KLHDC4: variants seen among roughly 807,000 people sequenced by gnomAD.
The protein encoded by KLHDC4 is kelch domain-containing protein 4.
In KLHDC4, 90 loss-of-function variants were observed where a neutral mutation model predicts 62.4. The observed-to-expected ratio is 1.44, with a 90% CI of 1.22 to 1.72. The LOEUF (loss-of-function observed/expected upper bound fraction) is 1.72, where lower values mean the gene tolerates loss of function less well. KLHDC4 is among the 40% of genes most tolerant of loss of function. The pLI is 0.00. For missense variants in KLHDC4, 1,025 were observed against 699.7 expected (o/e 1.47, Z -5.25); for synonymous variants, 386 against 284.4 (o/e 1.36, Z -3.59).
chr16:87,715,908 C>G (rs1028421807), intron 7 of KLHDC4, among the ~76,000 whole-genome samples: 1 of 152,152 alleles, frequency 6.6e-6, no homozygotes, highest in African/African-American at 2.4e-5. Flanking sequence ...GATACTGACA[C>G]AGACTTCAGG....
At position 87,712,549 on chromosome 16, in the gene KLHDC4, G is replaced by A. The variant is rs1035214724; in HGVS notation, c.836-1106C>T. ...GAGCAGAGCACACAGGCTCAGGGCC[G>A]CCCTGCGGGAAACAGTCCAGCATCC... On this transcript the variant is annotated intron_variant, in intron 8 of 11. Coordinates refer to ENST00000270583, the MANE Select transcript of KLHDC4 (RefSeq NM_017566.4). 1.2e-4 allele frequency among the ~76,000 whole-genome samples: 19 copies of A among 152,248 alleles called. No individual in the cohort carries two copies. The East Asian group carries it at 1.3e-3, about 11-fold the overall frequency.
At chr16:87,725,585 CTACAGTGAGATA>C (rs1358776159) in intron 7 of KLHDC4, among the ~76,000 whole-genome samples, 1 of 152,152 alleles carries the variant, frequency 6.6e-6, no homozygotes, top group Non-Finnish European at 1.5e-5. Context: ...TTTTAAACCC[CTACAGTGAGATA>C]CTACTTCATA....
At position 87,759,433 on chromosome 16, in the gene KLHDC4, G is replaced by GA. The variant is rs1054045307; in HGVS notation, c.191+2515dup. Among the ~76,000 whole-genome samples, 471 of 132,776 alleles carry GA rather than the reference G, an allele frequency of 3.5e-3. 1 individual carries two copies. Among genetic ancestry groups the GA allele is most frequent in the Non-Finnish European group, 4.7e-3 (289 of 61,476 alleles). The allele number at this position is 132,776 out of a possible 152,430, so 87.1% of individuals were successfully genotyped here. On this transcript the variant is annotated intron_variant, in intron 2 of 11. Transcript: ENST00000270583. ...AACTCCGTCTCAGAAAAGAAAAAAA[G>GA]AAAAAAAAAAACTTTTTAAAAATAA...
intron 5 of KLHDC4, among the ~76,000 whole-genome samples, chr16:87,737,101 G>T (rs1018114342): frequency 1.6e-5 from 1 of 60,716 alleles, no homozygotes; most frequent in African/African-American, 5.3e-5. Flanking sequence ...CTCCAGCCTG[G>T]GCGACAAAAA....
intron 4 of KLHDC4, among the ~76,000 whole-genome samples, chr16:87,749,726 G>A (rs1039486417): frequency 1.3e-5 from 2 of 152,128 alleles, no homozygotes; most frequent in Non-Finnish European, 2.9e-5. Flanking sequence ...TTGGACGACA[G>A]GCATGTGACA....
intron 6 of KLHDC4, among the ~76,000 whole-genome samples, chr16:87,728,444 A>G (rs1478974996): frequency 6.6e-6 from 1 of 151,258 alleles, no homozygotes; most frequent in Non-Finnish European, 1.5e-5. Flanking sequence ...AGTTTAAGGA[A>G]AACTCCCAAG....
chr16:87,711,903 G>A (rs3794669), intron 8 of KLHDC4, among the ~76,000 whole-genome samples: 7,993 of 136,882 alleles, frequency 0.058, 302 homozygotes, highest in South Asian at 0.16. Flanking sequence ...CTTCACCCAG[G>A]GGGCTGAATG....
At chr16:87,721,604 G>C (rs1309643065) in intron 7 of KLHDC4, among the ~76,000 whole-genome samples, 1 of 152,106 alleles carries the variant, frequency 6.6e-6, no homozygotes, top group Non-Finnish European at 1.5e-5. Flanking sequence ...ACGGAGCTCT[G>C]GCTCCGAGGT....
intron 1 of KLHDC4, among the ~76,000 whole-genome samples, chr16:87,764,629 C>A (rs1236912320): frequency 1.3e-5 from 1 of 75,008 alleles, no homozygotes; most frequent in Non-Finnish European, 2.4e-5. Flanking sequence ...CCCTGGGCAA[C>A]AAGAGTGAAA....
intron 5 of KLHDC4, among the ~76,000 whole-genome samples, chr16:87,732,580 T>C (rs55904325): frequency 0.12 from 18,245 of 152,170 alleles, 1,681 homozygotes; most frequent in African/African-American, 0.25. Flanking sequence ...AAATAACACA[T>C]AAATAACTAC....
At chr16:87,765,203 C>G (rs1024189434) in intron 1 of KLHDC4, 1 of 456,052 alleles carries the variant, frequency 2.2e-6, no homozygotes, top group Non-Finnish European at 4.4e-6. Context: ...CTGCAGACCC[C>G]GGGCTGAGGA....
Position 87,734,006 on chromosome 16 carries a change from C to G in KLHDC4, c.507-3362G>C, listed in dbSNP as rs563185684. ...GTTACACAGCTGTCCCCAAAACCCACTTACAGGGTTTTATGTAAAAGCCCA... is the reference window on the plus strand; with the variant it reads ...GTTACACAGCTGTCCCCAAAACCCAGTTACAGGGTTTTATGTAAAAGCCCA... On this transcript the variant is annotated intron_variant, in intron 5 of 11. Coordinates refer to ENST00000270583, the MANE Select transcript of KLHDC4 (RefSeq NM_017566.4). 3.3e-5 allele frequency among the ~76,000 whole-genome samples: 5 copies of G among 152,298 alleles called. No homozygotes were observed. The East Asian group carries it at 9.6e-4, about 29-fold the overall frequency.
intron 4 of KLHDC4, among the ~76,000 whole-genome samples, chr16:87,749,107 T>C (rs1409001525): frequency 2.0e-5 from 3 of 151,600 alleles, no homozygotes; most frequent in Non-Finnish European, 4.4e-5. Flanking sequence ...ACACAGCTAG[T>C]TACTTCAAAC....
chr16:87,739,309 A>G (rs1356382244), intron 5 of KLHDC4, among the ~76,000 whole-genome samples: 5 of 124,550 alleles, frequency 4.0e-5, no homozygotes, highest in Non-Finnish European at 6.7e-5. Flanking sequence ...ACACACCAGC[A>G]CCTCATCCAT....
In KLHDC4 at chr16:87,711,404, T is replaced by C. The variant is rs1452799961; in HGVS notation, c.875A>G (p.Lys292Arg). 7.4e-6 allele frequency: 12 copies of C among 1,613,202 alleles called. No homozygotes were observed. The South Asian group carries it at 8.8e-5, about 12-fold the overall frequency. Residue 292 changes from lysine to arginine, a missense_variant, in exon 9 of 12, where the codon AAG becomes AGG. By Grantham distance (26) the Lys-to-Arg change is conservative. Coordinates refer to ENST00000270583, the MANE Select transcript of KLHDC4 (RefSeq NM_017566.4). ...GGAAAAGCCAGACCGTGGGGTGGGC[T>C]TGACCCCCGAAGGGTTCATCCGAGT... ...VWTRMNPSGVKPTPRSGFSVA... is the reference protein window; with the variant it reads ...VWTRMNPSGVRPTPRSGFSVA...
At chr16:87,759,226 T>C (rs1262856454) in intron 2 of KLHDC4, among the ~76,000 whole-genome samples, 1 of 151,154 alleles carries the variant, frequency 6.6e-6, no homozygotes, top group African/African-American at 2.4e-5. Context: ...TTGTTAAACA[T>C]TTTACCACAA....
chr16:87,759,838 C>A (rs1024350265), intron 2 of KLHDC4, among the ~76,000 whole-genome samples: 1 of 151,558 alleles, frequency 6.6e-6, no homozygotes. Context: ...CCAAACACAA[C>A]TTCAGAAACG....
At chr16:87,736,035 A>G (rs796563631) in intron 5 of KLHDC4, among the ~76,000 whole-genome samples, 3 of 152,370 alleles carry the variant, frequency 2.0e-5, no homozygotes, top group African/African-American at 7.2e-5. Flanking sequence ...ACCTTACAAA[A>G]TTATACAACA....
At chr16:87,724,155 A>G (rs2038935424) in intron 7 of KLHDC4, among the ~76,000 whole-genome samples, 1 of 152,224 alleles carries the variant, frequency 6.6e-6, no homozygotes, top group Non-Finnish European at 1.5e-5. Context: ...CCTTTCCAAC[A>G]GATGCTGCTG....
Sources: allele counts gnomAD v4.1 joint callset (sites outside exome capture counted in the v4.1 genomes callset), GRCh38; gene constraint gnomAD v4.1.1; transcripts MANE v1.5; gene names NCBI Gene and HGNC (gene_info 2026-07-23, HGNC 2026-07-21).